The following LMBR1 variants were observed in gnomAD, a reference collection of about 807,000 sequenced individuals.
LMBR1 encodes limb region 1 protein homolog.
In LMBR1, 52 loss-of-function variants were observed where a neutral mutation model predicts 73.9. The observed-to-expected ratio is 0.70, with a 90% CI of 0.56 to 0.89. The LOEUF (loss-of-function observed/expected upper bound fraction) is 0.89, where lower values mean the gene tolerates loss of function less well. Among genes scored for constraint, LMBR1 ranks in the 40% least tolerant of loss-of-function variants. LMBR1 has a pLI of 0.00. For synonymous variants in LMBR1, 215 were observed against 209.4 expected (o/e 1.03, Z -0.23); for missense variants, 539 against 579.8 (o/e 0.93, Z 0.72).
intron 9 of LMBR1, among the ~76,000 whole-genome samples, chr7:156,737,046 T>C (rs1818006707): frequency 6.6e-6 from 1 of 152,196 alleles, no homozygotes; most frequent in Non-Finnish European, 1.5e-5. Context: ...GCGTCTCCTG[T>C]GGAGCATCTC....
intron 15 of LMBR1, among the ~76,000 whole-genome samples, chr7:156,719,510 T>A (rs1814030295): frequency 6.6e-6 from 1 of 152,134 alleles, no homozygotes; most frequent in South Asian, 2.1e-4. Context: ...ATCAATATCA[T>A]GAAAATGGCC....
At chr7:156,801,128 T>C (rs1830881664) in intron 4 of LMBR1, among the ~76,000 whole-genome samples, 1 of 152,220 alleles carries the variant, frequency 6.6e-6, no homozygotes, top group Non-Finnish European at 1.5e-5. Flanking sequence ...TTGAAAGAAC[T>C]TCTACTGTGA....
intron 6 of LMBR1, among the ~76,000 whole-genome samples, chr7:156,763,395 G>C (rs1274713540): frequency 4.7e-5 from 7 of 149,932 alleles, no homozygotes; most frequent in African/African-American, 1.7e-4. Context: ...TCTGGAGGGA[G>C]AAAAAATGTC....
chr7:156,794,880 T>C (rs1415132815), intron 5 of LMBR1, among the ~76,000 whole-genome samples: 4 of 152,158 alleles, frequency 2.6e-5, no homozygotes, highest in Non-Finnish European at 5.9e-5. Context: ...TCCTTTCCTT[T>C]GTGACCTGCA....
intron 3 of LMBR1, among the ~76,000 whole-genome samples, chr7:156,830,832 T>C (rs1471356615): frequency 1.3e-5 from 2 of 152,202 alleles, no homozygotes; most frequent in Admixed American, 1.3e-4. Flanking sequence ...TCCCTCACTA[T>C]ACAGGTATTT....
rs973736000 is a variant in LMBR1, at chr7:156,679,918, C to T, written c.*4160G>A. On this transcript the variant is annotated 3_prime_UTR_variant, in exon 17 of 17. Transcript: ENST00000353442. ...AAAATTTTTTCCTAATTAAAGAACA[C>T]AGAATTGGAAGTTAAATAACTTCTC... The T allele has an allele frequency of 6.6e-6, 1 of 152,160 alleles. No homozygotes were observed. The highest frequency in any genetic ancestry group is 1.5e-5 in the Non-Finnish European group (1 of 68,018). The allele number at this position is 152,160 out of a possible 1,614,324, so 9.4% of individuals were successfully genotyped here.
intron 1 of LMBR1, among the ~76,000 whole-genome samples, chr7:156,847,886 C>T (rs1415383891): frequency 6.6e-6 from 1 of 152,112 alleles, no homozygotes; most frequent in Non-Finnish European, 1.5e-5. Context: ...ACACTCTTAC[C>T]ATATGATTCA....
At chr7:156,792,844 T>A (rs1829459425) in intron 5 of LMBR1, among the ~76,000 whole-genome samples, 1 of 149,832 alleles carries the variant, frequency 6.7e-6, no homozygotes, top group South Asian at 2.1e-4. Flanking sequence ...GGGAGTAGAG[T>A]GGGGCCATAT....
chr7:156,823,735 G>A (rs1173578032), intron 4 of LMBR1: 1 of 152,128 alleles, frequency 6.6e-6, no homozygotes, highest in Non-Finnish European at 1.5e-5. Flanking sequence ...AACATAAAAG[G>A]TATGGAAAAC....
chr7:156,792,283 T>G (rs926935533), intron 5 of LMBR1, among the ~76,000 whole-genome samples: 1 of 152,164 alleles, frequency 6.6e-6, no homozygotes, highest in Admixed American at 6.5e-5. Context: ...GCAGGCTTAC[T>G]GCAAAACAAA....
intron 5 of LMBR1, among the ~76,000 whole-genome samples, chr7:156,790,400 T>C (rs866780198): frequency 7.2e-5 from 11 of 152,198 alleles, no homozygotes; most frequent in Middle Eastern, 6.8e-3. Flanking sequence ...GTGGACACAA[T>C]GAAATATGCC....
chr7:156,728,751 G>GT (rs1282696362), intron 10 of LMBR1, 31 bp from the exon 11 acceptor site: 5 of 1,452,946 alleles, frequency 3.4e-6, no homozygotes, highest in Non-Finnish European at 4.7e-6. Context: ...ATAAAACAAA[G>GT]TTTTCTCCAA....
intron 5 of LMBR1, among the ~76,000 whole-genome samples, chr7:156,784,285 C>T (rs1342170623): frequency 6.6e-6 from 1 of 152,098 alleles, no homozygotes; most frequent in Non-Finnish European, 1.5e-5. Flanking sequence ...TGTTCATCTC[C>T]GTATTTAAGA....
chr7:156,809,035 C>G (rs1034327919), intron 4 of LMBR1, among the ~76,000 whole-genome samples: 1 of 152,186 alleles, frequency 6.6e-6, no homozygotes, highest in Non-Finnish European at 1.5e-5. Flanking sequence ...AGCCAATTAT[C>G]TTTTCTAAAC....
chr7:156,757,280 C>T (rs1045519825), intron 8 of LMBR1, among the ~76,000 whole-genome samples: 1 of 152,150 alleles, frequency 6.6e-6, no homozygotes, highest in Non-Finnish European at 1.5e-5. Flanking sequence ...ACAAGAAATC[C>T]ATAAACTACA....
rs1052899511 is a variant in LMBR1, at chr7:156,670,949, G to A, written n.867-1662C>T. Among the ~76,000 whole-genome samples the A allele has an allele frequency of 9.9e-5, 15 of 152,210 alleles. No individual in the cohort carries two copies. Among genetic ancestry groups the A allele is most frequent in the African/African-American group, 3.6e-4 (15 of 41,460 alleles). ...GATTCCACCGAACAAGAAAACTCATGTCTCAGGTTAAAAGAGAGAGAGAGC... is the reference window on the plus strand; with the variant it reads ...GATTCCACCGAACAAGAAAACTCATATCTCAGGTTAAAAGAGAGAGAGAGC... On this transcript the variant is annotated intron_variant and non_coding_transcript_variant, in intron 4 of 4. Coordinates refer to the LMBR1 transcript ENST00000430825. The surrounding 1 kb of genome is among the most constrained non-coding windows in gnomAD (Gnocchi z 4.3).
intron 1 of LMBR1, among the ~76,000 whole-genome samples, chr7:156,840,321 T>A (rs920934002): frequency 6.6e-6 from 1 of 151,396 alleles, no homozygotes; most frequent in African/African-American, 2.4e-5. Flanking sequence ...CCAGCAGGGG[T>A]GGGGGCATGT....
Position 156,724,186 on chromosome 7 carries a change from G to C in LMBR1, c.1159-8C>G. Reference sequence around the variant, plus strand: ...CACACAATTTCCAATGATCTGTTATGAGAAACGAGAAAGAATATTGGGCAG... The same window carrying C: ...CACACAATTTCCAATGATCTGTTATCAGAAACGAGAAAGAATATTGGGCAG... On this transcript the variant is annotated splice_polypyrimidine_tract_variant and splice_region_variant and intron_variant, in intron 14 of 16. Transcript: ENST00000353442. 3.1e-6 allele frequency: 5 copies of C among 1,605,076 alleles called. No homozygotes were observed. The highest frequency in any genetic ancestry group is 2.6e-6 in the Non-Finnish European group (3 of 1,174,162).
rs572116091 is a variant in LMBR1 at position 156,785,800 on chromosome 7, T to G, written c.423+10589A>C. Among the ~76,000 whole-genome samples, 3 of 152,126 alleles carry G rather than the reference T, an allele frequency of 2.0e-5. No individual in the cohort carries two copies. In the East Asian group the frequency reaches 5.8e-4, roughly 29 times the overall value. ...CTACTACTATGTTCCAGATAAAAGGTCAGTAAAGCTAACAGGTAGAAGAGG... is the reference window on the plus strand; with the variant it reads ...CTACTACTATGTTCCAGATAAAAGGGCAGTAAAGCTAACAGGTAGAAGAGG... On this transcript the variant is annotated intron_variant, in intron 5 of 16. Transcript: ENST00000353442.
Sources: allele counts gnomAD v4.1 joint callset (sites outside exome capture counted in the v4.1 genomes callset), GRCh38; gene constraint gnomAD v4.1.1; non-coding constraint Gnocchi (gnomAD v3.1); transcripts MANE v1.5; gene names NCBI Gene and HGNC (gene_info 2026-07-23, HGNC 2026-07-21).